ZXDC: variants seen among roughly 807,000 people sequenced by gnomAD.
ZXDC encodes zinc finger protein ZXDC.
Under a neutral mutation model 63.6 loss-of-function variants are expected in ZXDC, and 58 were observed. The ratio of observed to expected loss-of-function variants is 0.91; its 90% CI spans 0.74 to 1.13. The LOEUF (loss-of-function observed/expected upper bound fraction) is 1.13. Among genes scored for constraint, ZXDC ranks in the 50% most tolerant of loss-of-function variants. The pLI, the probability that ZXDC is intolerant of heterozygous loss-of-function variation, is 0.00. For synonymous variants in ZXDC, 561 were observed against 496.1 expected (o/e 1.13, Z -1.74); for missense variants, 1,133 against 1,148.9 (o/e 0.99, Z 0.20).
At chr3:126,440,738 C>A in intron 8 of ZXDC, 1 of 985,994 alleles carries the variant, frequency 1.0e-6, no homozygotes, top group Non-Finnish European at 1.2e-6. Context: ...CCATCTGACG[C>A]TCACCGCTAG....
intron 7 of ZXDC, among the ~76,000 whole-genome samples, chr3:126,456,857 T>C (rs1349562991): frequency 1.3e-5 from 2 of 152,182 alleles, no homozygotes; most frequent in African/African-American, 4.8e-5. Context: ...TGAAGAAACC[T>C]AGCAGCTACC....
intron 4 of ZXDC, among the ~76,000 whole-genome samples, chr3:126,466,582 C>T (rs553933385): frequency 2.6e-5 from 4 of 152,366 alleles, no homozygotes; most frequent in African/African-American, 9.6e-5. Flanking sequence ...TAAGCAACCT[C>T]TGTGCCTGTT....
chr3:126,445,316 G>A (rs1440578928), intron 7 of ZXDC, among the ~76,000 whole-genome samples: 1 of 152,038 alleles, frequency 6.6e-6, no homozygotes, highest in Non-Finnish European at 1.5e-5. Flanking sequence ...TACGAGAGAT[G>A]TCCATCCATG....
intron 7 of ZXDC, among the ~76,000 whole-genome samples, chr3:126,458,331 G>A (rs1247574202): frequency 4.6e-5 from 7 of 151,580 alleles, no homozygotes; most frequent in African/African-American, 1.7e-4. Flanking sequence ...CTGCCTCCTG[G>A]GTTCAAGCGA....
Position 126,444,271 on chromosome 3 carries a change from G to A in ZXDC, c.2213-2325C>T, listed in dbSNP as rs575057876. 4.6e-5 allele frequency among the ~76,000 whole-genome samples: 7 copies of A among 152,294 alleles called. 1 individual carries two copies. Among genetic ancestry groups the A allele is most frequent in the African/African-American group, 1.4e-4 (6 of 41,568 alleles). On this transcript the variant is annotated intron_variant, in intron 7 of 9. Coordinates refer to ENST00000389709, the MANE Select transcript of ZXDC (RefSeq NM_025112.5). ...ATATTGGCCGGGCGCAGTGGCTCAC[G>A]CCTGTAATCCCAGCGCTTTGGGAGG... is the stretch of plus-strand genomic sequence containing the variant.
chr3:126,455,262 G>A (rs1164074394), intron 7 of ZXDC: 1 of 187,616 alleles, frequency 5.3e-6, no homozygotes, highest in East Asian at 1.9e-4. Context: ...ATATTTTGCT[G>A]AAAAGTACCA....
intron 3 of ZXDC, 131 bp downstream of exon 3, chr3:126,471,842 C>A (rs1934992089): frequency 4.2e-6 from 3 of 712,880 alleles, no homozygotes; most frequent in African/African-American, 3.7e-5. Context: ...CTGAATTTTC[C>A]AAATCATCAA....
intron 7 of ZXDC, chr3:126,442,587 G>C (rs1933724051): frequency 6.6e-6 from 1 of 152,188 alleles, no homozygotes; most frequent in African/African-American, 2.4e-5. Context: ...TCTGCTCCAG[G>C]GATCTGGAAA....
chr3:126,454,550 T>G (rs944433344), intron 7 of ZXDC: 1 of 985,346 alleles, frequency 1.0e-6, no homozygotes, highest in Non-Finnish European at 1.2e-6. Context: ...GCACCTCTCC[T>G]AGACAACACA....
At chr3:126,474,134 G>C (rs1393318778) in intron 1 of ZXDC, among the ~76,000 whole-genome samples, 16 of 148,470 alleles carry the variant, frequency 1.1e-4, no homozygotes, top group Admixed American at 8.9e-4. Flanking sequence ...GCGCGATCTC[G>C]GCTCACTGCA....
intron 6 of ZXDC, chr3:126,460,565 G>A: frequency 1.0e-6 from 1 of 985,422 alleles, no homozygotes; most frequent in Non-Finnish European, 1.2e-6. Flanking sequence ...CCTGGCACCA[G>A]GGACTGACTG....
At chr3:126,453,179 G>C (rs982810616) in intron 7 of ZXDC, 34 of 985,216 alleles carry the variant, frequency 3.5e-5, no homozygotes, top group Non-Finnish European at 3.9e-5. Flanking sequence ...AGAAAACTCT[G>C]CATTTTGTTG....
At chr3:126,474,922 C>A in intron 1 of ZXDC, 37 bp downstream of exon 1, 1 of 1,528,290 alleles carries the variant, frequency 6.5e-7, no homozygotes. Context: ...CTGCCTGCAA[C>A]ACCGCGCAGC....
At chr3:126,459,874 A>G in intron 6 of ZXDC, 137 bp from the exon 7 acceptor site, 1 of 1,553,000 alleles carries the variant, frequency 6.4e-7, no homozygotes, top group Non-Finnish European at 8.7e-7. Flanking sequence ...AAGGCACACA[A>G]AGGGCCAAAC....
At chr3:126,457,211 G>T in intron 7 of ZXDC, 1 of 965,068 alleles carries the variant, frequency 1.0e-6, no homozygotes, top group Non-Finnish European at 1.2e-6. Flanking sequence ...GGCCACAGGG[G>T]ACTCTCAGCT....
In ZXDC at chr3:126,453,292, A is replaced by AG. The variant is rs1298231204; in HGVS notation, c.2212+6360dup. 3.0e-6 allele frequency: 3 copies of AG among 985,338 alleles called. No homozygotes were observed. In the African/African-American group the frequency reaches 5.2e-5, roughly 17 times the overall value. 61.0% of individuals were successfully genotyped at this position (985,338 alleles called of 1,614,324 possible). ...TACTTAATGCTTTTTTTAATTGCTC[A>AG]GACAGAAAAGGAAAATGAGGGCCTA... On this transcript the variant is annotated intron_variant, in intron 7 of 9. Coordinates refer to ENST00000389709, the MANE Select transcript of ZXDC (RefSeq NM_025112.5).
rs940923881 is a variant in ZXDC, at chr3:126,453,849, G to A, written c.2212+5804C>T. On this transcript the variant is annotated intron_variant, in intron 7 of 9. Transcript: ENST00000389709. ...AGCTGAGCTGGGATTACAGGCATGA[G>A]CCACCGCGCCCAGCCTCGCTTTTAT... 4.9e-5 allele frequency: 48 copies of A among 985,006 alleles called. No homozygotes were observed. In the African/African-American group the frequency reaches 8.0e-4, roughly 17 times the overall value. 61.0% of individuals were successfully genotyped at this position (985,006 alleles called of 1,614,324 possible). A position where few individuals can be genotyped will look rare whatever the true frequency, so the allele number is the denominator to read the frequency against.
chr3:126,475,769 C>A lies in ZXDC; in HGVS notation c.97G>T (p.Ala33Ser). The change falls in exon 1 of 10, where the codon GCG (alanine) becomes TCG (serine). Residue 33 changes from alanine to serine, a missense_variant. Coordinates refer to ENST00000389709, the MANE Select transcript of ZXDC (RefSeq NM_025112.5). Reference protein sequence around the residue: ...PLRRAPAPLGASPARRRLLLV... With the variant: ...PLRRAPAPLGSSPARRRLLLV... Reference sequence around the variant, plus strand: ...AGCAGGCGGCGGCGCGCGGGGCTCGCGCCGAGCGGCGCTGGGGCTCGGCGG... The same window carrying A: ...AGCAGGCGGCGGCGCGCGGGGCTCGAGCCGAGCGGCGCTGGGGCTCGGCGG... The A allele has an allele frequency of 8.8e-7, 1 of 1,137,462 alleles. No individual in the cohort carries two copies. Among genetic ancestry groups the A allele is most frequent in the Non-Finnish European group, 1.1e-6 (1 of 930,036 alleles). The allele number at this position is 1,137,462 out of a possible 1,614,324, so 70.5% of individuals were successfully genotyped here. A position where few individuals can be genotyped will look rare whatever the true frequency, so the allele number is the denominator to read the frequency against.
At chr3:126,448,084 C>A (rs915031426) in intron 7 of ZXDC, among the ~76,000 whole-genome samples, 1 of 152,234 alleles carries the variant, frequency 6.6e-6, no homozygotes, top group Non-Finnish European at 1.5e-5. Context: ...CTACACCTCA[C>A]AGGATTGTTG....
Sources: allele counts gnomAD v4.1 joint callset (sites outside exome capture counted in the v4.1 genomes callset), GRCh38; gene constraint gnomAD v4.1.1; transcripts MANE v1.5; gene names NCBI Gene and HGNC (gene_info 2026-07-23, HGNC 2026-07-21).